Variants in USP10 observed in about 807,000 individuals in gnomAD.
USP10 encodes ubiquitin carboxyl-terminal hydrolase 10.
USP10 carries 22 observed loss-of-function variants against 84.5 expected under a neutral mutation model. The observed-to-expected ratio is 0.26, with a 90% CI of 0.19 to 0.37. The LOEUF (loss-of-function observed/expected upper bound fraction) is 0.37, where lower values mean the gene tolerates loss of function less well. Ranked by LOEUF, USP10 falls within the 10% of genes least tolerant of loss-of-function variation. The pLI, the probability that USP10 is intolerant of heterozygous loss-of-function variation, is 1.00. For missense variants in USP10, 1,019 were observed against 998.9 expected (o/e 1.02, Z -0.27); for synonymous variants, 454 against 387.6 (o/e 1.17, Z -2.01).
intron 4 of USP10, among the ~76,000 whole-genome samples, chr16:84,754,401 G>A (rs375461718): frequency 3.8e-4 from 58 of 152,240 alleles, no homozygotes; most frequent in African/African-American, 1.3e-3. Context: ...TAACGACGTC[G>A]TACCAGAATG....
At chr16:84,737,907 G>A (rs1282765071) in intron 2 of USP10, among the ~76,000 whole-genome samples, 2 of 152,136 alleles carry the variant, frequency 1.3e-5, no homozygotes, top group African/African-American at 4.8e-5. Flanking sequence ...GCGCCACCTG[G>A]CATTACCGGC....
chr16:84,736,665 A>G (rs1909971124), intron 2 of USP10, among the ~76,000 whole-genome samples: 2 of 152,216 alleles, frequency 1.3e-5, no homozygotes, highest in Non-Finnish European at 2.9e-5. Context: ...TGGAAGTAGC[A>G]CACATCCCAA....
intron 4 of USP10, among the ~76,000 whole-genome samples, chr16:84,755,687 A>G (rs1369321736): frequency 6.6e-6 from 1 of 151,744 alleles, no homozygotes; most frequent in Non-Finnish European, 1.5e-5. Context: ...AGTCCCAGCT[A>G]CTCGGGAGGC....
At chr16:84,763,145 T>C in intron 9 of USP10, 57 bp downstream of exon 9, 2 of 1,091,726 alleles carry the variant, frequency 1.8e-6, no homozygotes, top group South Asian at 2.7e-5. Flanking sequence ...AAACAGGTGT[T>C]GCATACTCAT....
intron 1 of USP10, among the ~76,000 whole-genome samples, chr16:84,729,042 C>T (rs1305181022): frequency 6.6e-6 from 1 of 152,164 alleles, no homozygotes; most frequent in African/African-American, 2.4e-5. Context: ...AAGTGATCTG[C>T]TCGCCTCGGC....
At chr16:84,739,448 T>G (rs183387458) in intron 2 of USP10, among the ~76,000 whole-genome samples, 207 of 152,166 alleles carry the variant, frequency 1.4e-3, no homozygotes, top group African/African-American at 4.7e-3. Context: ...ATTTTTTGTA[T>G]TTTTAGTAGA....
At chr16:84,710,719 G>C (rs1906171092) in intron 1 of USP10, among the ~76,000 whole-genome samples, 1 of 152,074 alleles carries the variant, frequency 6.6e-6, no homozygotes, top group Non-Finnish European at 1.5e-5. Flanking sequence ...GGATTTAACA[G>C]CGTTTTTAGG....
Position 84,700,062 on chromosome 16 carries a change from A to G in USP10, c.-29A>G. 7.3e-7 allele frequency: 1 copy of G among 1,368,386 alleles called. No individual in the cohort carries two copies. The highest frequency in any genetic ancestry group is 9.6e-7 in the Non-Finnish European group (1 of 1,040,132). The allele number at this position is 1,368,386 out of a possible 1,614,324, so 84.8% of individuals were successfully genotyped here. On this transcript the variant is annotated 5_prime_UTR_variant, in exon 1 of 14. Transcript: ENST00000219473. ...GGGAAGCAGCGTGAGCAGCCGGAGG[A>G]TCGCGGAGTCCCAATGAAACGGGCA...
At chr16:84,766,839 T>C (rs1284797347) in intron 10 of USP10, among the ~76,000 whole-genome samples, 2 of 152,224 alleles carry the variant, frequency 1.3e-5, no homozygotes, top group Non-Finnish European at 2.9e-5. Flanking sequence ...TAGGAACTTC[T>C]TTTCAGCCAT....
At chr16:84,772,706 G>T in intron 12 of USP10, 21 bp downstream of exon 12, 1 of 1,612,746 alleles carries the variant, frequency 6.2e-7, no homozygotes, top group Non-Finnish European at 8.5e-7. Flanking sequence ...CATAAGGTCG[G>T]GAGTGTTCGT....
At chr16:84,725,736 A>G (rs1400811103) in intron 1 of USP10, among the ~76,000 whole-genome samples, 1 of 152,134 alleles carries the variant, frequency 6.6e-6, no homozygotes, top group Admixed American at 6.5e-5. Flanking sequence ...CGTGTTTCTT[A>G]ATCCTTTTTA....
intron 4 of USP10, among the ~76,000 whole-genome samples, chr16:84,756,872 C>G (rs1275108689): frequency 6.6e-6 from 1 of 152,144 alleles, no homozygotes. Flanking sequence ...AATCCACTGT[C>G]AATAGACTTT....
At chr16:84,736,109 C>A (rs1019122779) in intron 2 of USP10, among the ~76,000 whole-genome samples, 1 of 152,064 alleles carries the variant, frequency 6.6e-6, no homozygotes, top group African/African-American at 2.4e-5. Flanking sequence ...GAGGGGAGGG[C>A]GTGTCACTTC....
chr16:84,738,950 T>G (rs1353805815), intron 2 of USP10, among the ~76,000 whole-genome samples: 1 of 152,242 alleles, frequency 6.6e-6, no homozygotes, highest in East Asian at 1.9e-4. Flanking sequence ...GCCTTTGTAC[T>G]GCAGTGAACA....
chr16:84,762,783 T>G (rs1490864770), intron 8 of USP10, among the ~76,000 whole-genome samples: 4 of 152,002 alleles, frequency 2.6e-5, no homozygotes, highest in African/African-American at 9.7e-5. Context: ...CATTTAGAGA[T>G]ATGTGTTTAG....
rs1283077804 is a variant in USP10 at position 84,700,126 on chromosome 16, G to C, written c.21+15G>C. ...ACAGCCCGCAGGTAGCCGCCGGTCTGCGCCTTCGGCCGGAAGGGGCCCGAG... is the reference window on the plus strand; with the variant it reads ...ACAGCCCGCAGGTAGCCGCCGGTCTCCGCCTTCGGCCGGAAGGGGCCCGAG... On this transcript the variant is annotated intron_variant, in intron 1 of 13. Transcript: ENST00000219473. 2.2e-6 allele frequency: 3 copies of C among 1,339,910 alleles called. No individual in the cohort carries two copies. The highest frequency in any genetic ancestry group is 1.5e-5 in the African/African-American group (1 of 64,658). The allele number at this position is 1,339,910 out of a possible 1,614,324, so 83.0% of individuals were successfully genotyped here.
At chr16:84,764,299 T>C (rs1391597282) in intron 10 of USP10, 36 bp downstream of exon 10, 5 of 1,613,510 alleles carry the variant, frequency 3.1e-6, no homozygotes, top group South Asian at 1.1e-5. Context: ...ATATTTGCCT[T>C]TTCTAGGGTT....
Position 84,733,431 on chromosome 16 carries a change from T to C in USP10, c.22-4T>C, listed in dbSNP as rs1351810987. The C allele has an allele frequency of 1.9e-6, 3 of 1,595,084 alleles. No individual in the cohort carries two copies. The highest frequency in any genetic ancestry group is 2.6e-6 in the Non-Finnish European group (3 of 1,169,696). On this transcript the variant is annotated splice_polypyrimidine_tract_variant and splice_region_variant and intron_variant, in intron 1 of 13. Transcript: ENST00000219473. The stretch of plus-strand genomic sequence containing the variant: ...TGATCAGTGACTCTCTTATTTTTTT[T>C]CAGTATATTTTTGGAGATTTTAGCC...
chr16:84,705,057 C>T (rs559766469), intron 1 of USP10, among the ~76,000 whole-genome samples: 52 of 152,292 alleles, frequency 3.4e-4, no homozygotes, highest in African/African-American at 1.0e-3. Flanking sequence ...GTGTGTACAG[C>T]CTTATCGGTT....
Sources: gnomAD v4.1 joint callset for allele counts (sites outside exome capture counted in the v4.1 genomes callset) on GRCh38, gnomAD v4.1.1 for gene constraint, MANE v1.5 for transcripts, NCBI Gene and HGNC (gene_info 2026-07-23, HGNC 2026-07-21) for gene names.